NCKAP5: variants seen among roughly 807,000 people sequenced by gnomAD.
The protein encoded by NCKAP5 is NCK associated protein 5.
NCKAP5 carries 92 observed loss-of-function variants against 167.0 expected under a neutral mutation model. That is an observed-to-expected ratio of 0.55 (90% CI 0.47 to 0.66). The LOEUF is 0.66. Among genes scored for constraint, NCKAP5 ranks in the 30% least tolerant of loss-of-function variants. The pLI is 0.00. For synonymous variants in NCKAP5, 891 were observed against 877.4 expected (o/e 1.02, Z -0.27); for missense variants, 2,378 against 2,315.0 (o/e 1.03, Z -0.56).
chr2:133,362,058 A>C (rs1278582127), intron 3 of NCKAP5, among the ~76,000 whole-genome samples: 3 of 152,194 alleles, frequency 2.0e-5, no homozygotes, highest in East Asian at 3.8e-4. Context: ...TGTGGCTTAC[A>C]AATACTGATG....
chr2:133,636,065 T>G, the NCKAP5 span, among the ~76,000 whole-genome samples: 1 of 152,206 alleles, frequency 6.6e-6, no homozygotes, highest in Non-Finnish European at 1.5e-5. Context: ...CAGAGCTTGA[T>G]AGCTGAGGAG....
chr2:133,427,175 C>G (rs553879517), intron 3 of NCKAP5, among the ~76,000 whole-genome samples: 29 of 152,348 alleles, frequency 1.9e-4, no homozygotes, highest in African/African-American at 7.0e-4. Flanking sequence ...AGGTAACTCT[C>G]TGTCATTCTG....
At chr2:133,086,358 G>A (rs1457323100) in intron 6 of NCKAP5, among the ~76,000 whole-genome samples, 1 of 152,082 alleles carries the variant, frequency 6.6e-6, no homozygotes, top group Non-Finnish European at 1.5e-5. Context: ...AAAGAAATTT[G>A]AGGCAGAAGT....
chr2:133,605,891 A>AG, the NCKAP5 span, among the ~76,000 whole-genome samples: 1 of 152,200 alleles, frequency 6.6e-6, no homozygotes, highest in Non-Finnish European at 1.5e-5. Context: ...GGGGGGCAGG[A>AG]GGCTCCTCTG....
intron 6 of NCKAP5, among the ~76,000 whole-genome samples, chr2:133,085,705 T>A (rs1185511986): frequency 1.3e-5 from 2 of 152,154 alleles, no homozygotes; most frequent in African/African-American, 2.4e-5. Flanking sequence ...GTGGGCAAGC[T>A]GGCTAATTAA....
intron 3 of NCKAP5, among the ~76,000 whole-genome samples, chr2:133,400,938 G>T (rs1009307152): frequency 7.2e-5 from 11 of 152,268 alleles, no homozygotes; most frequent in African/African-American, 2.6e-4. Context: ...GAGGGCAGCA[G>T]CTTTTGTTAT....
chr2:133,265,967 T>C (rs2089182938), intron 4 of NCKAP5, among the ~76,000 whole-genome samples: 1 of 152,082 alleles, frequency 6.6e-6, no homozygotes, highest in African/African-American at 2.4e-5. Flanking sequence ...ACCACAGAAC[T>C]CAAGATCTGC....
Position 133,360,055 on chromosome 2 carries a change from C to T in NCKAP5, c.70-56945G>A, listed in dbSNP as rs149133499. 1.8e-3 allele frequency among the ~76,000 whole-genome samples: 272 copies of T among 152,122 alleles called. 3 individuals are homozygous for T. The East Asian group carries it at 0.037, about 21-fold the overall frequency. ...TGATTTTATACCTCTCTTGTCTGAC[C>T]GCCCCACCACCAGCCTAGGATGAGG... On this transcript the variant is annotated intron_variant, in intron 3 of 19. Transcript: ENST00000409261.
chr2:132,963,964 G>A lies in NCKAP5; in HGVS notation c.430-95C>T, dbSNP rs534271356. On this transcript the variant is annotated intron_variant, in intron 7 of 19. Coordinates refer to ENST00000409261, the MANE Select transcript of NCKAP5 (RefSeq NM_207363.3). ...AGGCTGGAATCATTCTCCTGCGTGTGCATTCTTCCGGGGCTGGGAGTTTGC... is the reference window on the plus strand; with the variant it reads ...AGGCTGGAATCATTCTCCTGCGTGTACATTCTTCCGGGGCTGGGAGTTTGC... 7.5e-5 allele frequency: 103 copies of A among 1,374,616 alleles called. 3 individuals are homozygous for A. The South Asian group carries it at 1.0e-3, about 14-fold the overall frequency. 85.2% of individuals were successfully genotyped at this position (1,374,616 alleles called of 1,614,324 possible).
chr2:133,363,370 AAAGTT>A (rs921855761), intron 3 of NCKAP5, among the ~76,000 whole-genome samples: 4 of 152,138 alleles, frequency 2.6e-5, no homozygotes, highest in African/African-American at 9.7e-5. Context: ...ATTCAGTGGC[AAAGTT>A]AAGTAAGTAG....
At chr2:133,037,045 T>C (rs996875316) in intron 6 of NCKAP5, among the ~76,000 whole-genome samples, 3 of 151,650 alleles carry the variant, frequency 2.0e-5, no homozygotes, top group African/African-American at 7.3e-5. Flanking sequence ...AAAGAAAAAA[T>C]AATCACATTT....
chr2:133,152,631 T>C (rs932620229), intron 5 of NCKAP5, among the ~76,000 whole-genome samples: 6 of 152,158 alleles, frequency 3.9e-5, no homozygotes, highest in Non-Finnish European at 8.8e-5. Flanking sequence ...TATCAAGCCA[T>C]GACAAGACAT....
intron 2 of NCKAP5, among the ~76,000 whole-genome samples, chr2:133,520,783 A>G (rs191857152): frequency 6.6e-6 from 1 of 152,226 alleles, no homozygotes; most frequent in African/African-American, 2.4e-5. Flanking sequence ...AATGGTACCA[A>G]TAATATAGGC....
At chr2:133,339,981 A>C (rs1020790958) in intron 3 of NCKAP5, among the ~76,000 whole-genome samples, 1 of 152,214 alleles carries the variant, frequency 6.6e-6, no homozygotes, top group African/African-American at 2.4e-5. Flanking sequence ...GTTAAGAGTC[A>C]CATGGTTTAG....
At chr2:132,890,929 C>A (rs1220778366) in intron 8 of NCKAP5, among the ~76,000 whole-genome samples, 1 of 152,096 alleles carries the variant, frequency 6.6e-6, no homozygotes, top group Non-Finnish European at 1.5e-5. Context: ...ATACGTGTAC[C>A]CATACATGTG....
chr2:132,960,854 C>T (rs2076490206), intron 8 of NCKAP5, among the ~76,000 whole-genome samples: 1 of 152,122 alleles, frequency 6.6e-6, no homozygotes, highest in Non-Finnish European at 1.5e-5. Flanking sequence ...CTGCTGTCCA[C>T]CACCCTGAAA....
intron 3 of NCKAP5, among the ~76,000 whole-genome samples, chr2:133,428,408 G>T (rs769322928): frequency 1.3e-5 from 2 of 152,140 alleles, no homozygotes; most frequent in Admixed American, 1.3e-4. Flanking sequence ...TAAATTATAT[G>T]AGGGTATTTG....
intron 6 of NCKAP5, among the ~76,000 whole-genome samples, chr2:133,071,752 G>C (rs560272584): frequency 6.6e-6 from 1 of 152,222 alleles, no homozygotes; most frequent in Non-Finnish European, 1.5e-5. Context: ...AAAAAAATCA[G>C]TACATTTCAG....
At chr2:133,612,333 T>C in the NCKAP5 span, among the ~76,000 whole-genome samples, 1 of 152,194 alleles carries the variant, frequency 6.6e-6, no homozygotes, top group Non-Finnish European at 1.5e-5. Flanking sequence ...AATTGATTTA[T>C]TCCCAAAGAG....
Sources: gnomAD v4.1 joint callset for allele counts (sites outside exome capture counted in the v4.1 genomes callset) on GRCh38, gnomAD v4.1.1 for gene constraint, MANE v1.5 for transcripts, NCBI Gene and HGNC (gene_info 2026-07-23, HGNC 2026-07-21) for gene names.